The following ZNF804A variants were observed in gnomAD, a reference collection of about 807,000 sequenced individuals.
ZNF804A encodes the protein zinc finger protein 804A.
A neutral mutation model predicts 16.5 loss-of-function variants in ZNF804A; 2 were observed. The ratio of observed to expected loss-of-function variants is 0.12; its 90% CI spans 0.05 to 0.38. ZNF804A has a LOEUF of 0.38. ZNF804A is among the 10% of genes least tolerant of loss of function. The probability of loss-of-function intolerance (pLI) is 0.99; values close to 1 mark genes in which losing one functional copy is unlikely to be tolerated. For synonymous variants in ZNF804A, 534 were observed against 489.6 expected (o/e 1.09, Z -1.20); for missense variants, 1,473 against 1,390.7 (o/e 1.06, Z -0.94).
intron 1 of ZNF804A, among the ~76,000 whole-genome samples, chr2:184,739,669 G>T (rs1693684092): frequency 6.6e-6 from 1 of 152,180 alleles, no homozygotes; most frequent in African/African-American, 2.4e-5. Flanking sequence ...TGGGATGACA[G>T]GTGTGAGCCA....
chr2:184,729,105 A>G (rs1253848628), intron 1 of ZNF804A, among the ~76,000 whole-genome samples: 1 of 151,898 alleles, frequency 6.6e-6, no homozygotes, highest in Non-Finnish European at 1.5e-5. Context: ...GAATAACTTT[A>G]AGAGATCTAT....
At chr2:184,626,435 A>G (rs1391810952) in intron 1 of ZNF804A, among the ~76,000 whole-genome samples, 1 of 152,188 alleles carries the variant, frequency 6.6e-6, no homozygotes, top group African/African-American at 2.4e-5. Flanking sequence ...TACTTGATAG[A>G]AATTAAAATC....
At chr2:184,710,296 A>C (rs1220054222) in intron 1 of ZNF804A, among the ~76,000 whole-genome samples, 1 of 151,644 alleles carries the variant, frequency 6.6e-6, no homozygotes, top group Non-Finnish European at 1.5e-5. Flanking sequence ...GCCCCTTTAC[A>C]ATAATATTTT....
chr2:184,863,315 C>T (rs1049635329), intron 1 of ZNF804A, among the ~76,000 whole-genome samples: 5 of 152,100 alleles, frequency 3.3e-5, no homozygotes, highest in African/African-American at 9.7e-5. Context: ...TGAAAAGAAT[C>T]AGGATTAAAT....
At chr2:184,802,784 T>C (rs924015046) in intron 1 of ZNF804A, among the ~76,000 whole-genome samples, 1 of 152,216 alleles carries the variant, frequency 6.6e-6, no homozygotes, top group Admixed American at 6.5e-5. Context: ...TTTAATTATT[T>C]TTAAATACTT....
intron 1 of ZNF804A, among the ~76,000 whole-genome samples, chr2:184,825,311 TTAG>T (rs1695145297): frequency 6.6e-6 from 1 of 152,156 alleles, no homozygotes; most frequent in Non-Finnish European, 1.5e-5. Flanking sequence ...GGTTAAAATG[TTAG>T]TAGTACAGAT....
chr2:184,722,538 G>T (rs1693334738), intron 1 of ZNF804A, among the ~76,000 whole-genome samples: 1 of 151,858 alleles, frequency 6.6e-6, no homozygotes, highest in South Asian at 2.1e-4. Context: ...TATAATTATT[G>T]AAGAAAAGTC....
intron 1 of ZNF804A, among the ~76,000 whole-genome samples, chr2:184,793,556 C>T (rs1235979485): frequency 1.3e-5 from 2 of 151,986 alleles, no homozygotes; most frequent in Non-Finnish European, 2.9e-5. Flanking sequence ...TGACTGTTGG[C>T]CATTTGTATG....
intron 1 of ZNF804A, among the ~76,000 whole-genome samples, chr2:184,637,025 A>G (rs1387228272): frequency 6.6e-6 from 1 of 152,126 alleles, no homozygotes; most frequent in East Asian, 1.9e-4. Flanking sequence ...AGATTTTTAA[A>G]TTGCTTTCAT....
chr2:184,614,838 A>G (rs1026167346), intron 1 of ZNF804A, among the ~76,000 whole-genome samples: 9 of 152,226 alleles, frequency 5.9e-5, no homozygotes, highest in African/African-American at 2.2e-4. Flanking sequence ...ACAATGAGAT[A>G]CCATCTCATG....
rs536942588 is a variant in ZNF804A, at chr2:184,904,650, T to C, written c.256-28953T>C. 2.0e-5 allele frequency among the ~76,000 whole-genome samples: 3 copies of C among 152,192 alleles called. No homozygotes were observed. The South Asian group carries it at 6.2e-4, about 32-fold the overall frequency. ...ACTACCTATAAAAGAAGGGTAAAAT[T>C]AAGTCCTTAGTTTATTTCTAATCGA... On this transcript the variant is annotated intron_variant, in intron 2 of 3. Coordinates refer to ENST00000302277, the MANE Select transcript of ZNF804A (RefSeq NM_194250.2).
intron 2 of ZNF804A, among the ~76,000 whole-genome samples, chr2:184,893,317 T>G (rs1254814877): frequency 6.6e-6 from 1 of 152,068 alleles, no homozygotes; most frequent in East Asian, 1.9e-4. Flanking sequence ...AGTAAATTGC[T>G]AATCGTTTAT....
At chr2:184,684,087 T>C (rs1692587402) in intron 1 of ZNF804A, among the ~76,000 whole-genome samples, 1 of 152,202 alleles carries the variant, frequency 6.6e-6, no homozygotes, top group African/African-American at 2.4e-5. Context: ...CAGATGGCTG[T>C]AGAGTGATAC....
At chr2:184,685,122 ACAGCCAGG>A (rs916205727) in intron 1 of ZNF804A, among the ~76,000 whole-genome samples, 3 of 152,096 alleles carry the variant, frequency 2.0e-5, no homozygotes, top group African/African-American at 7.2e-5. Flanking sequence ...GCCACTGCAC[ACAGCCAGG>A]CACGCTGGCT....
At chr2:184,871,803 A>G (rs1695980968) in intron 2 of ZNF804A, among the ~76,000 whole-genome samples, 1 of 152,042 alleles carries the variant, frequency 6.6e-6, no homozygotes, top group Non-Finnish European at 1.5e-5. Flanking sequence ...TACTAGGAGA[A>G]TAAAAACAGA....
chr2:184,701,214 A>C (rs1692914257), intron 1 of ZNF804A, among the ~76,000 whole-genome samples: 1 of 151,960 alleles, frequency 6.6e-6, no homozygotes, highest in Admixed American at 6.6e-5. Flanking sequence ...TAAAATCACT[A>C]GTTTTATAGT....
chr2:184,830,930 C>T (rs1240170944), intron 1 of ZNF804A, among the ~76,000 whole-genome samples: 1 of 152,026 alleles, frequency 6.6e-6, no homozygotes, highest in Non-Finnish European at 1.5e-5. Flanking sequence ...TTTTCTTTAA[C>T]TGTAATCTCA....
At chr2:184,721,265 A>C (rs1471535398) in intron 1 of ZNF804A, among the ~76,000 whole-genome samples, 1 of 152,170 alleles carries the variant, frequency 6.6e-6, no homozygotes, top group Non-Finnish European at 1.5e-5. Flanking sequence ...TTAAACCAAA[A>C]AGTTTCTGCA....
intron 1 of ZNF804A, among the ~76,000 whole-genome samples, chr2:184,697,615 T>A (rs887320552): frequency 4.6e-5 from 7 of 152,128 alleles, no homozygotes; most frequent in African/African-American, 1.7e-4. Context: ...AAAAAGCATT[T>A]ATCAAGATAT....
Sources: allele counts gnomAD v4.1 joint callset (sites outside exome capture counted in the v4.1 genomes callset), GRCh38; gene constraint gnomAD v4.1.1; transcripts MANE v1.5; gene names NCBI Gene and HGNC (gene_info 2026-07-23, HGNC 2026-07-21).